NUDT3: variants seen among roughly 807,000 people sequenced by gnomAD.
NUDT3 encodes the protein nudix hydrolase 3, also known as diphosphoinositol polyphosphate phosphohydrolase 1.
NUDT3 carries 9 observed loss-of-function variants against 23.6 expected under a neutral mutation model. The observed-to-expected ratio is 0.38, with a 90% CI of 0.23 to 0.66. The LOEUF is 0.66. Ranked by LOEUF, NUDT3 falls within the 30% of genes least tolerant of loss-of-function variation. The pLI, the probability that NUDT3 is intolerant of heterozygous loss-of-function variation, is 0.52. For synonymous variants in NUDT3, 86 were observed against 82.6 expected, an observed-to-expected ratio of 1.04 and a Z score of -0.22; for missense variants, 172 against 218.5, an observed-to-expected ratio of 0.79 and a Z score of 1.34.
chr6:34,280,238 C>T lies in NUDT3; in HGVS notation c.*8515G>A, dbSNP rs1458531972. The stretch of plus-strand genomic sequence containing the variant: ...CTCCAGAGAGTGCTGCAAAAATCTT[C>T]CTTAGGGACGCTGTGAAGACACGGG... On this transcript the variant is annotated 3_prime_UTR_variant, in exon 5 of 5. Coordinates refer to ENST00000607016, the MANE Select transcript of NUDT3 (RefSeq NM_006703.4). The T allele has an allele frequency of 6.6e-6, 1 of 152,242 alleles. No individual in the cohort carries two copies. The highest frequency in any genetic ancestry group is 1.5e-5 in the Non-Finnish European group (1 of 68,064). 9.4% of individuals were successfully genotyped at this position (152,242 alleles called of 1,614,324 possible).
At chr6:34,297,752 TATATATAA>T (rs1561899103) in intron 2 of NUDT3, among the ~76,000 whole-genome samples, 5 of 101,400 alleles carry the variant, frequency 4.9e-5, no homozygotes, top group African/African-American at 1.9e-4. Flanking sequence ...TATATATATA[TATATATAA>T]TTTTTTTTTT....
At chr6:34,370,614 A>G (rs1440546946) in intron 1 of NUDT3, among the ~76,000 whole-genome samples, 1 of 152,194 alleles carries the variant, frequency 6.6e-6, no homozygotes. Context: ...CCAATGTCCA[A>G]CTTCCTTCCT....
At chr6:34,360,950 C>T (rs1012779481) in intron 1 of NUDT3, among the ~76,000 whole-genome samples, 1 of 152,222 alleles carries the variant, frequency 6.6e-6, no homozygotes. Flanking sequence ...GGGCCAGGAG[C>T]AGTAGCTCAT....
At chr6:34,373,405 G>A (rs1454513035) in intron 1 of NUDT3, among the ~76,000 whole-genome samples, 1 of 152,108 alleles carries the variant, frequency 6.6e-6, no homozygotes, top group African/African-American at 2.4e-5. Flanking sequence ...CGTTTTGGGG[G>A]GAAACTAGAG....
chr6:34,290,796 T>C (rs908950562), intron 4 of NUDT3, among the ~76,000 whole-genome samples: 3 of 149,448 alleles, frequency 2.0e-5, no homozygotes, highest in African/African-American at 7.5e-5. Flanking sequence ...TCTGTGATTA[T>C]TATTATTATT....
At chr6:34,311,012 G>C (rs117977451) in intron 2 of NUDT3, among the ~76,000 whole-genome samples, 5 of 148,462 alleles carry the variant, frequency 3.4e-5, no homozygotes, top group Middle Eastern at 3.5e-3. Context: ...AAAAACTCTC[G>C]ACAAACTAGG....
At chr6:34,312,196 G>A (rs1210104163) in intron 2 of NUDT3, among the ~76,000 whole-genome samples, 2 of 152,134 alleles carry the variant, frequency 1.3e-5, no homozygotes, top group African/African-American at 4.8e-5. Flanking sequence ...GAGGTCAGGA[G>A]TTCAAGACCA....
Position 34,299,457 on chromosome 6 carries a change from G to A in NUDT3, c.211-3772C>T, listed in dbSNP as rs1581851243. 2.0e-5 allele frequency among the ~76,000 whole-genome samples: 3 copies of A among 151,882 alleles called. No homozygotes were observed. In the East Asian group the frequency reaches 5.8e-4, roughly 30 times the overall value. On this transcript the variant is annotated intron_variant, in intron 2 of 4. Coordinates refer to ENST00000607016, the MANE Select transcript of NUDT3 (RefSeq NM_006703.4). ...CTTTTTCTTTTTTTTAAGAGACAGG[G>A]TCTCACTCTGTCGCCCAGGCTAGGG...
intron 2 of NUDT3, among the ~76,000 whole-genome samples, chr6:34,308,189 G>A (rs147210274): frequency 2.5e-4 from 34 of 134,520 alleles, no homozygotes; most frequent in African/African-American, 9.0e-4. Context: ...GGTGCCAGGT[G>A]GCTCACACCA....
intron 2 of NUDT3, among the ~76,000 whole-genome samples, chr6:34,297,760 A>ATATATATATATATATATTTTTTTTTTTT (rs1763535832): frequency 1.9e-5 from 1 of 53,654 alleles, no homozygotes; most frequent in African/African-American, 1.1e-4. Context: ...TATATATATA[A>ATATATATATATATATATTTTTTTTTTTT]TTTTTTTTTT....
At chr6:34,326,598 C>CTT (rs576434468) in intron 2 of NUDT3, among the ~76,000 whole-genome samples, 1 of 146,848 alleles carries the variant, frequency 6.8e-6, no homozygotes, top group Non-Finnish European at 1.5e-5. Flanking sequence ...GATAATCCAG[C>CTT]TTTTTTTTTT....
chr6:34,289,139 A>G (rs1763379626), intron 4 of NUDT3, among the ~76,000 whole-genome samples: 1 of 152,218 alleles, frequency 6.6e-6, no homozygotes, highest in South Asian at 2.1e-4. Context: ...AAGAGCTAAG[A>G]GTAATTGTGT....
In NUDT3 at chr6:34,297,738, T is replaced by A. The variant is rs1387682722; in HGVS notation, c.211-2053A>T. Among the ~76,000 whole-genome samples the A allele has an allele frequency of 8.2e-4, 80 of 97,910 alleles. 2 individuals carry two copies. The highest frequency in any genetic ancestry group is 2.5e-3 in the South Asian group (7 of 2,846). 64.2% of individuals were successfully genotyped at this position (97,910 alleles called of 152,430 possible). On this transcript the variant is annotated intron_variant, in intron 2 of 4. Transcript: ENST00000607016. ...TAATGTAAAAAAAAAAAAATATATATATATATATATATATATATATAATTT... is the reference window on the plus strand; with the variant it reads ...TAATGTAAAAAAAAAAAAATATATAAATATATATATATATATATATAATTT...
At chr6:34,314,192 G>A (rs1242325067) in intron 2 of NUDT3, among the ~76,000 whole-genome samples, 1 of 152,062 alleles carries the variant, frequency 6.6e-6, no homozygotes, top group Non-Finnish European at 1.5e-5. Flanking sequence ...GGAGGCCAAG[G>A]CGGGTGGATC....
At chr6:34,362,654 C>T (rs1290542741) in intron 1 of NUDT3, among the ~76,000 whole-genome samples, 1 of 152,088 alleles carries the variant, frequency 6.6e-6, no homozygotes, top group Non-Finnish European at 1.5e-5. Context: ...CGAGGTTTCA[C>T]AATATTGGCC....
At chr6:34,372,215 T>C (rs887996795) in intron 1 of NUDT3, among the ~76,000 whole-genome samples, 23 of 152,310 alleles carry the variant, frequency 1.5e-4, no homozygotes, top group Middle Eastern at 3.4e-3. Flanking sequence ...TGTGTGCATG[T>C]GTCTTTATAG....
At chr6:34,300,768 A>G (rs1245942151) in intron 2 of NUDT3, among the ~76,000 whole-genome samples, 1 of 152,200 alleles carries the variant, frequency 6.6e-6, no homozygotes, top group Non-Finnish European at 1.5e-5. Context: ...ACTTTTAGTC[A>G]GGTGTTCTGT....
At position 34,285,453 on chromosome 6, in the gene NUDT3, T is replaced by G. The variant is rs1018624324; in HGVS notation, c.*3300A>C. 6.6e-6 allele frequency: 1 copy of G among 152,222 alleles called. No individual in the cohort carries two copies. The highest frequency in any genetic ancestry group is 2.1e-4 in the South Asian group (1 of 4,832). 9.4% of individuals were successfully genotyped at this position (152,222 alleles called of 1,614,324 possible). On this transcript the variant is annotated 3_prime_UTR_variant, in exon 5 of 5. Transcript: ENST00000607016. ...CTGCTATCTTCTTCTGTCCTGAGTTTGGTAGACTTTAATGGATGCTCCAGC... is the reference window on the plus strand; with the variant it reads ...CTGCTATCTTCTTCTGTCCTGAGTTGGGTAGACTTTAATGGATGCTCCAGC...
intron 2 of NUDT3, among the ~76,000 whole-genome samples, chr6:34,337,826 T>G (rs1764231252): frequency 6.6e-6 from 1 of 152,256 alleles, no homozygotes. Context: ...TTTGAACTTT[T>G]TCCTCTCTCT....
Sources: gnomAD v4.1 joint callset for allele counts (sites outside exome capture counted in the v4.1 genomes callset) on GRCh38, gnomAD v4.1.1 for gene constraint, MANE v1.5 for transcripts, NCBI Gene and HGNC (gene_info 2026-07-23, HGNC 2026-07-21) for gene names.